The following KDM4B variants were observed in gnomAD, a reference collection of about 807,000 sequenced individuals.
KDM4B encodes lysine-specific demethylase 4B.
A neutral mutation model predicts 125.2 loss-of-function variants in KDM4B; 32 were observed. The observed-to-expected ratio is 0.26, with a 90% CI of 0.19 to 0.34. KDM4B has a LOEUF of 0.34. KDM4B is among the 10% of genes least tolerant of loss of function. The probability of loss-of-function intolerance (pLI) is 1.00; values close to 1 mark genes in which losing one functional copy is unlikely to be tolerated. For missense variants in KDM4B, 1,190 were observed against 1,577.7 expected (o/e 0.75, Z 4.16); for synonymous variants, 721 against 677.9 (o/e 1.06, Z -0.99).
chr19:5,013,217 T>G (rs2035784029), intron 1 of KDM4B, among the ~76,000 whole-genome samples: 2 of 151,820 alleles, frequency 1.3e-5, no homozygotes, highest in South Asian at 2.1e-4. Flanking sequence ...GTGCTGAGAG[T>G]GGGGGTGGCC....
chr19:5,043,153 G>GCGCAGCA (rs2036877551), intron 5 of KDM4B, among the ~76,000 whole-genome samples: 2 of 150,894 alleles, frequency 1.3e-5, no homozygotes, highest in African/African-American at 2.4e-5. Context: ...CCCGAGTGGT[G>GCGCAGCA]TTTATCGGAG....
intron 21 of KDM4B, among the ~76,000 whole-genome samples, chr19:5,148,448 C>T (rs1425841364): frequency 6.6e-6 from 1 of 152,198 alleles, no homozygotes; most frequent in Non-Finnish European, 1.5e-5. Flanking sequence ...TCTTCCTGAC[C>T]CAGAAACCTG....
intron 1 of KDM4B, among the ~76,000 whole-genome samples, chr19:4,983,630 G>A (rs1323880583): frequency 6.6e-6 from 1 of 152,238 alleles, no homozygotes. Flanking sequence ...GGCTGGTGGG[G>A]CTTAGGAGGC....
At chr19:5,006,365 T>C (rs2035559691) in intron 1 of KDM4B, among the ~76,000 whole-genome samples, 1 of 152,116 alleles carries the variant, frequency 6.6e-6, no homozygotes, top group Non-Finnish European at 1.5e-5. Context: ...CCCTCCTCAC[T>C]GTCCTTCCTG....
chr19:5,126,815 C>T (rs1293828901), intron 11 of KDM4B, among the ~76,000 whole-genome samples: 3 of 152,230 alleles, frequency 2.0e-5, no homozygotes, highest in Non-Finnish European at 4.4e-5. Flanking sequence ...CCCCTGAGAC[C>T]GGGGCTGGTT....
chr19:5,096,683 C>T (rs928366006), intron 9 of KDM4B, among the ~76,000 whole-genome samples: 3 of 145,184 alleles, frequency 2.1e-5, no homozygotes, highest in East Asian at 4.1e-4. Flanking sequence ...GCGGTGCCCC[C>T]GGCGGTGTCG....
chr19:5,051,961 C>T (rs1164229224), intron 6 of KDM4B, among the ~76,000 whole-genome samples: 1 of 152,068 alleles, frequency 6.6e-6, no homozygotes, highest in Non-Finnish European at 1.5e-5. Context: ...AGGTGGGGGT[C>T]TCGGAGCTTG....
intron 7 of KDM4B, 73 bp from the exon 8 acceptor site, chr19:5,077,294 C>T (rs2038147603): frequency 2.3e-6 from 3 of 1,317,294 alleles, no homozygotes; most frequent in Admixed American, 3.5e-5. Context: ...GCCAGCCTGC[C>T]CAGAGGGCAG....
intron 1 of KDM4B, among the ~76,000 whole-genome samples, chr19:5,008,814 G>A (rs924310818): frequency 6.6e-6 from 1 of 150,510 alleles, no homozygotes; most frequent in African/African-American, 2.5e-5. Context: ...TACTGGCCAG[G>A]CTGGTATCGA....
chr19:5,021,639 T>G (rs2036124145), intron 2 of KDM4B, among the ~76,000 whole-genome samples: 1 of 64,416 alleles, frequency 1.6e-5, no homozygotes, highest in African/African-American at 7.2e-5. Context: ...GGCACAGGTT[T>G]TTTTTTTTTT....
chr19:5,058,474 G>A (rs1206816787), intron 6 of KDM4B, among the ~76,000 whole-genome samples: 1 of 152,212 alleles, frequency 6.6e-6, no homozygotes, highest in Non-Finnish European at 1.5e-5. Flanking sequence ...GGGGCGGGAA[G>A]GGGGCATAGA....
chr19:5,096,825 G>A (rs914339283), intron 9 of KDM4B, among the ~76,000 whole-genome samples: 5 of 151,920 alleles, frequency 3.3e-5, no homozygotes, highest in Non-Finnish European at 5.9e-5. Flanking sequence ...CGGCGGTGTC[G>A]GTGGTGCGTG....
intron 9 of KDM4B, among the ~76,000 whole-genome samples, chr19:5,086,761 G>A (rs956273629): frequency 6.6e-6 from 1 of 152,240 alleles, no homozygotes; most frequent in South Asian, 2.1e-4. Context: ...TTCCGGATGG[G>A]CCTGCAGCAG....
chr19:5,050,952 G>A (rs2037202066), intron 6 of KDM4B, among the ~76,000 whole-genome samples: 1 of 152,138 alleles, frequency 6.6e-6, no homozygotes, highest in Admixed American at 6.5e-5. Flanking sequence ...CCTGGGGTGG[G>A]GGTGGTTTAG....
chr19:5,144,632 C>T (rs74172691), intron 20 of KDM4B, 151 bp from the exon 21 acceptor site: 10 of 1,188,606 alleles, frequency 8.4e-6, no homozygotes, highest in South Asian at 1.5e-5. Context: ...AGCCAGGGCT[C>T]TGCACCGCCC....
chr19:5,063,686 C>T lies in KDM4B; in HGVS notation c.627-7324C>T, dbSNP rs549610840. ...ACCGTGGCTCTCTGGTCCTTGTGTC[C>T]CCAGTGCGGTGAATAGGTCCTCAGG... On this transcript the variant is annotated intron_variant, in intron 6 of 22. Coordinates refer to ENST00000159111, the MANE Select transcript of KDM4B (RefSeq NM_015015.3). Among the ~76,000 whole-genome samples the T allele has an allele frequency of 5.5e-4, 83 of 152,196 alleles. 1 individual carries two copies. The highest frequency in any genetic ancestry group is 1.0e-3 in the Non-Finnish European group (68 of 68,044).
intron 22 of KDM4B, among the ~76,000 whole-genome samples, chr19:5,151,050 C>T (rs552496181): frequency 4.6e-5 from 7 of 152,296 alleles, no homozygotes; most frequent in Non-Finnish European, 1.0e-4. Context: ...GCTGCTCAGC[C>T]GCAGAGGGGT....
chr19:5,126,915 G>A (rs1031393163), intron 11 of KDM4B, among the ~76,000 whole-genome samples: 1 of 151,910 alleles, frequency 6.6e-6, no homozygotes, highest in Non-Finnish European at 1.5e-5. Context: ...CAGCCTCGGA[G>A]CAGGAACAGA....
intron 18 of KDM4B, chr19:5,138,381 C>T (rs1408524356): frequency 1.4e-5 from 5 of 369,476 alleles, no homozygotes; most frequent in African/African-American, 1.0e-4. Context: ...CACCTTCCCA[C>T]AAAAGCAGAG....
Sources: gnomAD v4.1 joint callset for allele counts (sites outside exome capture counted in the v4.1 genomes callset) on GRCh38, gnomAD v4.1.1 for gene constraint, MANE v1.5 for transcripts, NCBI Gene and HGNC (gene_info 2026-07-23, HGNC 2026-07-21) for gene names.